Variants in SLC9A9 observed in about 807,000 individuals in gnomAD.
SLC9A9 encodes solute carrier family 9 member A9.
In SLC9A9, 62 loss-of-function variants were observed where a neutral mutation model predicts 77.8. That is an observed-to-expected ratio of 0.80 (90% CI 0.65 to 0.98). The LOEUF (loss-of-function observed/expected upper bound fraction) is 0.98, where lower values mean the gene tolerates loss of function less well. Ranked by LOEUF, SLC9A9 falls within the 50% of genes least tolerant of loss-of-function variation. The pLI is 0.00. For synonymous variants in SLC9A9, 320 were observed against 283.5 expected, an observed-to-expected ratio of 1.13 and a Z score of -1.29; for missense variants, 775 against 774.9, an observed-to-expected ratio of 1.00 and a Z score of 0.00.
chr3:143,839,137 G>A (rs1313340819), intron 1 of SLC9A9, among the ~76,000 whole-genome samples: 1 of 151,940 alleles, frequency 6.6e-6, no homozygotes, highest in East Asian at 1.9e-4. Flanking sequence ...GGGGGAGTTT[G>A]TTCTTTCTCT....
intron 4 of SLC9A9, among the ~76,000 whole-genome samples, chr3:143,763,148 C>G (rs1410629952): frequency 6.6e-6 from 1 of 152,118 alleles, no homozygotes; most frequent in Non-Finnish European, 1.5e-5. Context: ...TCTAGTGGCT[C>G]TCTTACCCAG....
intron 4 of SLC9A9, among the ~76,000 whole-genome samples, chr3:143,750,151 A>G (rs1275396680): frequency 6.6e-6 from 1 of 152,228 alleles, no homozygotes; most frequent in African/African-American, 2.4e-5. Flanking sequence ...TTGATACAGC[A>G]GTTAAAAGTG....
Position 143,798,393 on chromosome 3 carries a change from T to C in SLC9A9, c.379-1490A>G, listed in dbSNP as rs529882947. Among the ~76,000 whole-genome samples the C allele has an allele frequency of 5.3e-5, 8 of 152,240 alleles. No homozygotes were observed. In the East Asian group the frequency reaches 1.5e-3, roughly 29 times the overall value. On this transcript the variant is annotated intron_variant, in intron 2 of 15. Coordinates refer to ENST00000316549, the MANE Select transcript of SLC9A9 (RefSeq NM_173653.4). ...CACCTGCCTTGGTCATTCACCCACA[T>C]TCCCTTGGTGGCAAGTCAATTGCGG...
At chr3:143,770,396 G>A (rs1020397884) in intron 4 of SLC9A9, among the ~76,000 whole-genome samples, 9 of 152,182 alleles carry the variant, frequency 5.9e-5, no homozygotes, top group African/African-American at 4.8e-5. Context: ...CAAAATAAAT[G>A]TGTGAAGATG....
intron 12 of SLC9A9, among the ~76,000 whole-genome samples, chr3:143,383,567 G>A (rs2033352113): frequency 6.6e-6 from 1 of 152,174 alleles, no homozygotes; most frequent in African/African-American, 2.4e-5. Flanking sequence ...TAAGACCATG[G>A]GAACACAGTA....
intron 8 of SLC9A9, among the ~76,000 whole-genome samples, chr3:143,568,073 C>T (rs1052829495): frequency 6.6e-6 from 1 of 152,108 alleles, no homozygotes; most frequent in African/African-American, 2.4e-5. Flanking sequence ...CTAGCATAAT[C>T]AGAAAGGAAT....
intron 12 of SLC9A9, among the ~76,000 whole-genome samples, chr3:143,466,774 TG>T (rs541591810): frequency 3.9e-4 from 60 of 152,312 alleles, no homozygotes; most frequent in Middle Eastern, 3.4e-3. Context: ...GATTGTTGAA[TG>T]GAAGAATTGA....
intron 9 of SLC9A9, among the ~76,000 whole-genome samples, chr3:143,541,011 C>T (rs2036681185): frequency 6.6e-6 from 1 of 152,086 alleles, no homozygotes; most frequent in African/African-American, 2.4e-5. Context: ...ACAATTTCTT[C>T]CAAAAATGGC....
intron 14 of SLC9A9, among the ~76,000 whole-genome samples, chr3:143,296,625 C>G (rs1451448611): frequency 6.6e-6 from 1 of 152,114 alleles, no homozygotes; most frequent in Non-Finnish European, 1.5e-5. Context: ...TCCATAGCAT[C>G]CGCACCATTT....
chr3:143,783,998 A>G (rs2007966441), intron 4 of SLC9A9, among the ~76,000 whole-genome samples: 1 of 152,214 alleles, frequency 6.6e-6, no homozygotes, highest in Non-Finnish European at 1.5e-5. Context: ...ACACACACAG[A>G]TGCAAACCAG....
At chr3:143,739,092 G>T (rs762193907) in intron 4 of SLC9A9, among the ~76,000 whole-genome samples, 1 of 152,122 alleles carries the variant, frequency 6.6e-6, no homozygotes, top group Non-Finnish European at 1.5e-5. Context: ...TATAAGGTAA[G>T]TGGTGAAGCT....
intron 14 of SLC9A9, among the ~76,000 whole-genome samples, chr3:143,340,639 A>T (rs1297583442): frequency 6.6e-6 from 1 of 152,176 alleles, no homozygotes; most frequent in Non-Finnish European, 1.5e-5. Flanking sequence ...TTTCTCTTGG[A>T]AAGGGGCATT....
intron 11 of SLC9A9, among the ~76,000 whole-genome samples, chr3:143,480,094 TCA>T (rs1207581120): frequency 6.6e-6 from 1 of 152,252 alleles, no homozygotes; most frequent in Non-Finnish European, 1.5e-5. Context: ...ACGGGTTTAA[TCA>T]CACAGTTCCA....
At chr3:143,759,416 CT>C (rs11285320) in intron 4 of SLC9A9, among the ~76,000 whole-genome samples, 63,575 of 151,840 alleles carry the variant, frequency 0.42, 15,537 homozygotes, top group African/African-American at 0.69. Flanking sequence ...TTTATTTTTT[CT>C]TTTTTTGCTG....
chr3:143,548,305 G>A (rs1387866753), intron 9 of SLC9A9, among the ~76,000 whole-genome samples: 1 of 152,122 alleles, frequency 6.6e-6, no homozygotes, highest in Admixed American at 6.5e-5. Flanking sequence ...GGGTGGTGGG[G>A]GTGGTGAGGG....
intron 8 of SLC9A9, among the ~76,000 whole-genome samples, chr3:143,557,276 A>G (rs1054520053): frequency 6.6e-6 from 1 of 152,222 alleles, no homozygotes; most frequent in African/African-American, 2.4e-5. Flanking sequence ...TCAGCCTTGC[A>G]GAACTGTGAG....
At chr3:143,402,762 G>GT (rs59074397) in intron 12 of SLC9A9, among the ~76,000 whole-genome samples, 47,797 of 138,282 alleles carry the variant, frequency 0.35, 7,910 homozygotes, top group Non-Finnish European at 0.38. Context: ...GGTGAAATTA[G>GT]TTTTTTTTTT....
chr3:143,302,556 C>A (rs2030569037), intron 14 of SLC9A9, among the ~76,000 whole-genome samples: 1 of 151,728 alleles, frequency 6.6e-6, no homozygotes, highest in South Asian at 2.1e-4. Context: ...AGGAGAGAGC[C>A]CCTGAAACAG....
At chr3:143,785,919 C>T (rs530605543) in intron 4 of SLC9A9, among the ~76,000 whole-genome samples, 180 of 143,298 alleles carry the variant, frequency 1.3e-3, no homozygotes, top group Middle Eastern at 3.8e-3. Flanking sequence ...TGCAGTGGCG[C>T]GATCTCGACT....
Sources: gnomAD v4.1 joint callset for allele counts (sites outside exome capture counted in the v4.1 genomes callset) on GRCh38, gnomAD v4.1.1 for gene constraint, MANE v1.5 for transcripts, NCBI Gene and HGNC (gene_info 2026-07-23, HGNC 2026-07-21) for gene names.